The following DACH2 variants were observed in gnomAD, a reference collection of about 807,000 sequenced individuals.
The protein encoded by DACH2 is dachshund homolog 2.
In DACH2, 17 loss-of-function variants were observed where a neutral mutation model predicts 35.8. The observed-to-expected ratio is 0.48, with a 90% confidence interval of 0.33 to 0.71. DACH2 has a LOEUF of 0.71. Among genes scored for constraint, DACH2 ranks in the 30% least tolerant of loss-of-function variants. The pLI is 0.02. For missense variants in DACH2, 469 were observed against 472.7 expected (o/e 0.99, Z 0.07); for synonymous variants, 195 against 177.3 (o/e 1.10, Z -0.79).
chrX:86,463,863 G>T (rs1602548563), intron 2 of DACH2, among the ~76,000 whole-genome samples: 1 of 111,160 alleles, frequency 9.0e-6, no homozygotes. Context: ...TGGGCAAAGG[G>T]TATAAACAGA....
At chrX:86,823,458 G>T (rs2042532707) in intron 11 of DACH2, among the ~76,000 whole-genome samples, 1 of 111,504 alleles carries the variant, frequency 9.0e-6, no homozygotes, top group African/African-American at 3.3e-5. Context: ...TTTAATATTT[G>T]AAAATTAACA....
chrX:86,376,137 C>CTG (rs1225016908), intron 1 of DACH2, among the ~76,000 whole-genome samples: 32 of 94,816 alleles, frequency 3.4e-4, no homozygotes, highest in African/African-American at 1.1e-3. Flanking sequence ...GTATGTATGA[C>CTG]TGTGTGTGTG....
At chrX:86,525,626 A>C (rs969648091) in intron 3 of DACH2, among the ~76,000 whole-genome samples, 3 of 111,582 alleles carry the variant, frequency 2.7e-5, no homozygotes, top group Non-Finnish European at 5.6e-5. Flanking sequence ...GTTAATGAGA[A>C]ATGCAAGTGT....
intron 1 of DACH2, among the ~76,000 whole-genome samples, chrX:86,333,016 G>T (rs1332025566): frequency 9.0e-6 from 1 of 110,821 alleles, no homozygotes; most frequent in Non-Finnish European, 1.9e-5. Flanking sequence ...TTTATAAATG[G>T]ATAATATATT....
At chrX:86,408,129 T>A (rs2036554301) in intron 2 of DACH2, among the ~76,000 whole-genome samples, 1 of 111,641 alleles carries the variant, frequency 9.0e-6, no homozygotes, top group African/African-American at 3.3e-5. Context: ...CTGCACACTA[T>A]TAAATGGTGA....
intron 3 of DACH2, among the ~76,000 whole-genome samples, chrX:86,517,513 C>A (rs2038487848): frequency 9.3e-6 from 1 of 107,031 alleles, no homozygotes. Flanking sequence ...GCCTCCTGGG[C>A]TCACGCCATT....
intron 1 of DACH2, among the ~76,000 whole-genome samples, chrX:86,297,364 A>T (rs2148009074): frequency 9.0e-6 from 1 of 111,320 alleles, no homozygotes; most frequent in African/African-American, 3.3e-5. Flanking sequence ...TTAAAAAATT[A>T]ATTTGTCAGT....
At chrX:86,676,523 G>A (rs1422256148) in intron 4 of DACH2, among the ~76,000 whole-genome samples, 1 of 111,776 alleles carries the variant, frequency 8.9e-6, no homozygotes, top group Non-Finnish European at 1.9e-5. Context: ...TTTCTGCGAT[G>A]ATGGAAATGT....
intron 2 of DACH2, among the ~76,000 whole-genome samples, chrX:86,390,609 T>G (rs1219420061): frequency 9.0e-6 from 1 of 110,938 alleles, no homozygotes; most frequent in Non-Finnish European, 1.9e-5. Flanking sequence ...TTTTCTTTTT[T>G]GAGAGAGTCT....
intron 7 of DACH2, among the ~76,000 whole-genome samples, chrX:86,776,267 T>C (rs1351981580): frequency 9.0e-6 from 1 of 111,563 alleles, no homozygotes. Flanking sequence ...AGATTCCATG[T>C]CTGGTGAGAG....
chrX:86,384,681 A>C (rs910752608), intron 2 of DACH2, among the ~76,000 whole-genome samples: 4 of 112,127 alleles, frequency 3.6e-5, no homozygotes, highest in African/African-American at 6.5e-5. Context: ...GAGGGCAAGT[A>C]TAAAATGAAT....
intron 7 of DACH2, among the ~76,000 whole-genome samples, chrX:86,763,444 G>A (rs987572225): frequency 8.9e-6 from 1 of 111,848 alleles, no homozygotes; most frequent in African/African-American, 3.3e-5. Flanking sequence ...AATTTAAGAT[G>A]ACGTTTACTT....
chrX:86,253,639 T>G (rs2033445812), intron 1 of DACH2, among the ~76,000 whole-genome samples: 1 of 111,724 alleles, frequency 9.0e-6, no homozygotes, highest in Non-Finnish European at 1.9e-5. Flanking sequence ...CTAGGGGAGC[T>G]TGGTATAACG....
At chrX:86,544,960 A>C (rs2038937551) in intron 3 of DACH2, among the ~76,000 whole-genome samples, 1 of 111,641 alleles carries the variant, frequency 9.0e-6, no homozygotes, top group Admixed American at 9.5e-5. Flanking sequence ...GTGCCCAGAT[A>C]ATTTTTGTAT....
At chrX:86,384,452 G>A (rs2148112064) in intron 2 of DACH2, among the ~76,000 whole-genome samples, 1 of 111,589 alleles carries the variant, frequency 9.0e-6, no homozygotes, top group South Asian at 3.6e-4. Context: ...TTAAGAAATA[G>A]GACTATTATG....
At chrX:86,227,428 A>G in intron 1 of DACH2, among the ~76,000 whole-genome samples, 1 of 110,692 alleles carries the variant, frequency 9.0e-6, no homozygotes, top group Admixed American at 9.7e-5. Flanking sequence ...TTTATTTTGT[A>G]TTGTTCCTGT....
intron 4 of DACH2, among the ~76,000 whole-genome samples, chrX:86,658,262 G>A (rs776244756): frequency 9.0e-6 from 1 of 111,694 alleles, no homozygotes; most frequent in Non-Finnish European, 1.9e-5. Flanking sequence ...TAGTTGAGAT[G>A]TTTGAATGTG....
At chrX:86,475,971 A>G (rs2037837084) in intron 2 of DACH2, among the ~76,000 whole-genome samples, 1 of 112,424 alleles carries the variant, frequency 8.9e-6, no homozygotes, top group South Asian at 3.7e-4. Context: ...GATACGATGT[A>G]CCACATCAAT....
At chrX:86,458,016 A>AC (rs1274011934) in intron 2 of DACH2, among the ~76,000 whole-genome samples, 17 of 111,896 alleles carry the variant, frequency 1.5e-4, no homozygotes, top group Non-Finnish European at 3.2e-4. Context: ...TAAATACAAT[A>AC]CCGCACTTCA....
Sources: gnomAD v4.1 joint callset for allele counts (sites outside exome capture counted in the v4.1 genomes callset) on GRCh38, gnomAD v4.1.1 for gene constraint, MANE v1.5 for transcripts, NCBI Gene and HGNC (gene_info 2026-07-23, HGNC 2026-07-21) for gene names.